ARHGEF3: variants seen among roughly 807,000 people sequenced by gnomAD.
ARHGEF3 encodes the protein 59.8 kDA protein.
A neutral mutation model predicts 63.2 loss-of-function variants in ARHGEF3; 28 were observed. That is an observed-to-expected ratio of 0.44 (90% CI 0.33 to 0.61). ARHGEF3 has a LOEUF of 0.61. Among genes scored for constraint, ARHGEF3 ranks in the 20% least tolerant of loss-of-function variants. The probability of loss-of-function intolerance (pLI) is 0.03; values close to 1 mark genes in which losing one functional copy is unlikely to be tolerated. For missense variants in ARHGEF3, 533 were observed against 659.3 expected (o/e 0.81, Z 2.10); for synonymous variants, 266 against 254.2 (o/e 1.05, Z -0.44).
At chr3:56,782,702 G>C (rs886444208) in intron 1 of ARHGEF3, among the ~76,000 whole-genome samples, 1 of 150,870 alleles carries the variant, frequency 6.6e-6, no homozygotes, top group Non-Finnish European at 1.5e-5. Flanking sequence ...GAGGGAACAG[G>C]GACAGCCTGG....
At chr3:56,899,784 C>T (rs1377565632) in intron 3 of ARHGEF3, among the ~76,000 whole-genome samples, 2 of 152,198 alleles carry the variant, frequency 1.3e-5, no homozygotes, top group Non-Finnish European at 2.9e-5. Context: ...ACTCTCTGTT[C>T]CCCTATGCCC....
At chr3:56,934,135 AAAATGGACTAAT>A (rs1453320312) in intron 3 of ARHGEF3, among the ~76,000 whole-genome samples, 2 of 152,232 alleles carry the variant, frequency 1.3e-5, no homozygotes, top group Non-Finnish European at 2.9e-5. Context: ...CAGCAGTGTG[AAAATGGACTAAT>A]ACATGGATAT....
In ARHGEF3 at chr3:56,945,713, C is replaced by A. The variant is rs1392469802; in HGVS notation, c.129+13110G>T. Among the ~76,000 whole-genome samples the A allele has an allele frequency of 2.6e-5, 4 of 152,204 alleles. No individual in the cohort carries two copies. In the East Asian group the frequency reaches 5.8e-4, roughly 22 times the overall value. On this transcript the variant is annotated intron_variant, in intron 3 of 12. Coordinates refer to the ARHGEF3 transcript ENST00000338458. ...CTCCACCTCTAGGGGCAGGGCATAG[C>A]CAAATAAAAGGCAGCAGAATCCTCT...
chr3:56,823,270 A>T (rs913535552), intron 4 of ARHGEF3, among the ~76,000 whole-genome samples: 2 of 152,186 alleles, frequency 1.3e-5, no homozygotes, highest in East Asian at 3.8e-4. Flanking sequence ...GAATCTATAA[A>T]GGCTTGTTTA....
At chr3:56,763,829 C>T (rs142997970) in intron 2 of ARHGEF3, among the ~76,000 whole-genome samples, 1 of 152,154 alleles carries the variant, frequency 6.6e-6, no homozygotes, top group African/African-American at 2.4e-5. Flanking sequence ...CTTGTTTCAG[C>T]CTCACAAAGT....
chr3:56,949,820 C>T (rs951429165), intron 3 of ARHGEF3, among the ~76,000 whole-genome samples: 8 of 152,026 alleles, frequency 5.3e-5, no homozygotes, highest in Non-Finnish European at 1.2e-4. Context: ...CCTGCATTGC[C>T]AAGTCAATCC....
At chr3:56,994,129 T>C (rs1263162302) in intron 2 of ARHGEF3, among the ~76,000 whole-genome samples, 1 of 146,286 alleles carries the variant, frequency 6.8e-6, no homozygotes, top group South Asian at 2.2e-4. Context: ...TGTGTTATTT[T>C]CATAGTTGTT....
chr3:56,881,035 T>TAA (rs11443432), intron 4 of ARHGEF3, among the ~76,000 whole-genome samples: 12 of 150,206 alleles, frequency 8.0e-5, no homozygotes, highest in Non-Finnish European at 1.2e-4. Flanking sequence ...TAAAAATAGC[T>TAA]AAAAAAAATT....
intron 4 of ARHGEF3, among the ~76,000 whole-genome samples, chr3:56,877,703 A>T (rs1401760905): frequency 1.3e-5 from 2 of 152,112 alleles, no homozygotes. Context: ...TGCTTATATA[A>T]ATGTTAAAAG....
chr3:56,807,258 T>C (rs1487019366), intron 4 of ARHGEF3, among the ~76,000 whole-genome samples: 1 of 152,194 alleles, frequency 6.6e-6, no homozygotes, highest in East Asian at 1.9e-4. Flanking sequence ...TGAATGCTTA[T>C]TACAGTCAGG....
intron 1 of ARHGEF3, among the ~76,000 whole-genome samples, chr3:56,790,848 T>TC (rs1474007963): frequency 6.6e-6 from 1 of 152,172 alleles, no homozygotes; most frequent in East Asian, 1.9e-4. Flanking sequence ...TGTAGCGTCT[T>TC]CCTCTAGGAA....
At chr3:56,880,302 T>A (rs890331910) in intron 4 of ARHGEF3, among the ~76,000 whole-genome samples, 1 of 152,040 alleles carries the variant, frequency 6.6e-6, no homozygotes, top group Non-Finnish European at 1.5e-5. Context: ...ACATATGAGA[T>A]GGTTAAGAAA....
intron 2 of ARHGEF3, among the ~76,000 whole-genome samples, chr3:57,017,005 G>GTCTCTCTCTCTCTCTCTCTC (rs370663400): frequency 1.0e-4 from 13 of 129,122 alleles, no homozygotes; most frequent in African/African-American, 3.3e-4. Context: ...CTTTCTCTCT[G>GTCTCTCTCTCTCTCTCTCTC]TCTCTCTCTC....
chr3:56,935,968 GAGTGAC>G (rs1487901446), intron 3 of ARHGEF3, among the ~76,000 whole-genome samples: 1 of 152,200 alleles, frequency 6.6e-6, no homozygotes, highest in African/African-American at 2.4e-5. Flanking sequence ...CCAAGCTGGT[GAGTGAC>G]AGATCCATTT....
At chr3:56,761,159 G>A (rs4681841) in intron 2 of ARHGEF3, among the ~76,000 whole-genome samples, 39,439 of 152,100 alleles carry the variant, frequency 0.26, 8,015 homozygotes, top group African/African-American at 0.54. Flanking sequence ...GTCAGCAGCC[G>A]TCTGGCCCCG....
chr3:56,863,910 A>G (rs1430999865), intron 4 of ARHGEF3, among the ~76,000 whole-genome samples: 1 of 152,220 alleles, frequency 6.6e-6, no homozygotes, highest in Non-Finnish European at 1.5e-5. Flanking sequence ...ACAATGACAG[A>G]AGGTAAAATA....
chr3:56,919,761 C>A (rs932939846), intron 3 of ARHGEF3, among the ~76,000 whole-genome samples: 101 of 152,314 alleles, frequency 6.6e-4, no homozygotes, highest in African/African-American at 2.0e-3. Flanking sequence ...ATCCTCACAA[C>A]AGTCCCAAAG....
intron 1 of ARHGEF3, among the ~76,000 whole-genome samples, chr3:57,045,267 C>T (rs907670032): frequency 4.6e-5 from 7 of 152,062 alleles, no homozygotes; most frequent in Non-Finnish European, 8.8e-5. Flanking sequence ...AACTCTGTCT[C>T]AAAACAAAAA....
At chr3:56,955,174 CCTTTTT>C (rs1197047123) in intron 3 of ARHGEF3, among the ~76,000 whole-genome samples, 1 of 142,478 alleles carries the variant, frequency 7.0e-6, no homozygotes. Flanking sequence ...AAACACTGAT[CCTTTTT>C]CTTTTTTTTT....
Sources: gnomAD v4.1 joint callset for allele counts (sites outside exome capture counted in the v4.1 genomes callset) on GRCh38, gnomAD v4.1.1 for gene constraint, MANE v1.5 for transcripts, NCBI Gene and HGNC (gene_info 2026-07-23, HGNC 2026-07-21) for gene names.